The following IFT57 variants were observed in gnomAD, a reference collection of about 807,000 sequenced individuals.
IFT57 encodes intraflagellar transport protein 57 homolog.
A neutral mutation model predicts 56.8 loss-of-function variants in IFT57; 59 were observed. The observed-to-expected ratio is 1.04, with a 90% CI of 0.84 to 1.29. The LOEUF (loss-of-function observed/expected upper bound fraction) is 1.29. IFT57 is among the 50% of genes most tolerant of loss of function. The probability of loss-of-function intolerance (pLI) is 0.00; values close to 1 mark genes in which losing one functional copy is unlikely to be tolerated. For synonymous variants in IFT57, 209 were observed against 186.1 expected (o/e 1.12, Z -1.00); for missense variants, 470 against 522.1 (o/e 0.90, Z 0.97).
intron 6 of IFT57, among the ~76,000 whole-genome samples, chr3:108,188,635 C>G (rs2080197537): frequency 6.6e-6 from 1 of 152,090 alleles, no homozygotes; most frequent in Non-Finnish European, 1.5e-5. Flanking sequence ...CAGGGTATAT[C>G]CTCATAAGAT....
At chr3:108,204,257 G>A (rs1439840880) in intron 5 of IFT57, among the ~76,000 whole-genome samples, 1 of 152,096 alleles carries the variant, frequency 6.6e-6, no homozygotes, top group Non-Finnish European at 1.5e-5. Flanking sequence ...AACACCTGGT[G>A]TTCACTCTTC....
At chr3:108,195,394 T>A (rs9868740) in intron 5 of IFT57, among the ~76,000 whole-genome samples, 1 of 152,022 alleles carries the variant, frequency 6.6e-6, no homozygotes, top group Non-Finnish European at 1.5e-5. Context: ...ATTAATACAG[T>A]CACTATGGAG....
At chr3:108,186,078 A>G (rs1291455628) in intron 6 of IFT57, among the ~76,000 whole-genome samples, 1 of 152,150 alleles carries the variant, frequency 6.6e-6, no homozygotes, top group East Asian at 1.9e-4. Context: ...TTTAAGTCTT[A>G]TTACACATAG....
At chr3:108,221,021 G>T (rs2080403258) in intron 1 of IFT57, among the ~76,000 whole-genome samples, 1 of 152,142 alleles carries the variant, frequency 6.6e-6, no homozygotes, top group Admixed American at 6.5e-5. Context: ...ATATTATCCT[G>T]ATCAATTCAC....
chr3:108,200,883 A>G (rs1250637675), intron 5 of IFT57, among the ~76,000 whole-genome samples: 1 of 152,186 alleles, frequency 6.6e-6, no homozygotes, highest in African/African-American at 2.4e-5. Context: ...TTTTGTATTG[A>G]GAGACTGGGG....
intron 6 of IFT57, among the ~76,000 whole-genome samples, chr3:108,187,886 T>C (rs555419882): frequency 7.0e-4 from 107 of 151,976 alleles, no homozygotes; most frequent in Middle Eastern, 3.4e-3. Flanking sequence ...ATGTCCTAGA[T>C]AGCCTGTGTT....
chr3:108,218,207 T>C (rs966618361), intron 3 of IFT57, among the ~76,000 whole-genome samples: 7 of 151,962 alleles, frequency 4.6e-5, no homozygotes, highest in Admixed American at 2.6e-4. Context: ...GTATATACTA[T>C]GTTTGTGTGT....
In IFT57 at chr3:108,170,581, A is replaced by G. The variant is rs1011812899; in HGVS notation, c.778-2717T>C. Among the ~76,000 whole-genome samples, 4 of 152,036 alleles carry G rather than the reference A, an allele frequency of 2.6e-5. No individual in the cohort carries two copies. The East Asian group carries it at 7.7e-4, about 29-fold the overall frequency. On this transcript the variant is annotated intron_variant, in intron 6 of 10. Transcript: ENST00000264538. ...TGAAAATGGCCATACTGCCCAAAGTAATTTATAGATTCAATGCTTTTCCCA... is the reference window on the plus strand; with the variant it reads ...TGAAAATGGCCATACTGCCCAAAGTGATTTATAGATTCAATGCTTTTCCCA...
chr3:108,202,874 A>G (rs1039002626), intron 5 of IFT57, among the ~76,000 whole-genome samples: 22 of 152,234 alleles, frequency 1.4e-4, no homozygotes, highest in Admixed American at 1.0e-3. Flanking sequence ...TAGGAGGAAC[A>G]TATCTTTTTC....
At chr3:108,191,473 C>T in intron 6 of IFT57, 48 bp downstream of exon 6, 5 of 1,366,794 alleles carry the variant, frequency 3.7e-6, no homozygotes, top group East Asian at 2.5e-5. Flanking sequence ...CTGAAGTTTC[C>T]TTATAACTTT....
At chr3:108,175,075 T>C (rs1445560209) in intron 6 of IFT57, among the ~76,000 whole-genome samples, 1 of 151,858 alleles carries the variant, frequency 6.6e-6, no homozygotes, top group East Asian at 1.9e-4. Flanking sequence ...TATTACATAA[T>C]GCTTTTTTGG....
intron 6 of IFT57, among the ~76,000 whole-genome samples, chr3:108,181,713 A>G (rs2080151967): frequency 1.3e-5 from 2 of 152,140 alleles, no homozygotes; most frequent in Non-Finnish European, 2.9e-5. Context: ...TATATTAAAA[A>G]GCATTTATTG....
At chr3:108,220,760 A>G (rs2080402003) in intron 1 of IFT57, among the ~76,000 whole-genome samples, 1 of 152,188 alleles carries the variant, frequency 6.6e-6, no homozygotes, top group Admixed American at 6.5e-5. Context: ...GACCTGGGAA[A>G]GGGCCTGAGG....
At chr3:108,213,297 TG>T (rs759703437) in intron 4 of IFT57, among the ~76,000 whole-genome samples, 28 of 151,762 alleles carry the variant, frequency 1.8e-4, no homozygotes, top group Admixed American at 9.8e-4. Context: ...CTATAAAGTT[TG>T]TTTTTTCCCC....
At chr3:108,187,271 T>C (rs2080189198) in intron 6 of IFT57, among the ~76,000 whole-genome samples, 1 of 152,198 alleles carries the variant, frequency 6.6e-6, no homozygotes, top group African/African-American at 2.4e-5. Context: ...AATATTAAAA[T>C]TAGTTTGCAT....
At chr3:108,183,391 A>T (rs950074619) in intron 6 of IFT57, among the ~76,000 whole-genome samples, 10 of 152,160 alleles carry the variant, frequency 6.6e-5, no homozygotes, top group African/African-American at 9.6e-5. Flanking sequence ...CCTCTGTAGC[A>T]ATCAGCCCCA....
At chr3:108,174,226 A>T (rs1185444838) in intron 6 of IFT57, among the ~76,000 whole-genome samples, 1 of 151,752 alleles carries the variant, frequency 6.6e-6, no homozygotes, top group Non-Finnish European at 1.5e-5. Flanking sequence ...AAAAAATATA[A>T]ATGATTATAA....
At chr3:108,190,140 C>A (rs185612671) in intron 6 of IFT57, among the ~76,000 whole-genome samples, 1 of 152,250 alleles carries the variant, frequency 6.6e-6, no homozygotes, top group East Asian at 1.9e-4. Flanking sequence ...CCTGATTTTA[C>A]AGGCTACTAG....
intron 6 of IFT57, among the ~76,000 whole-genome samples, chr3:108,175,053 G>C (rs2080116552): frequency 6.6e-6 from 1 of 151,778 alleles, no homozygotes; most frequent in Non-Finnish European, 1.5e-5. Flanking sequence ...TCAAAACAGT[G>C]TATTTTCCGC....
Sources: gnomAD v4.1 joint callset for allele counts (sites outside exome capture counted in the v4.1 genomes callset) on GRCh38, gnomAD v4.1.1 for gene constraint, MANE v1.5 for transcripts, NCBI Gene and HGNC (gene_info 2026-07-23, HGNC 2026-07-21) for gene names.